TCERG1L: variants seen among roughly 807,000 people sequenced by gnomAD.
TCERG1L encodes the protein transcription elongation regulator 1-like protein.
TCERG1L carries 37 observed loss-of-function variants against 56.3 expected under a neutral mutation model. The observed-to-expected ratio is 0.66, with a 90% CI of 0.51 to 0.87. The LOEUF (loss-of-function observed/expected upper bound fraction) is 0.87, where lower values mean the gene tolerates loss of function less well. Among genes scored for constraint, TCERG1L ranks in the 40% least tolerant of loss-of-function variants. The probability of loss-of-function intolerance (pLI) is 0.00; values close to 1 mark genes in which losing one functional copy is unlikely to be tolerated. For synonymous variants in TCERG1L, 324 were observed against 326.3 expected (o/e 0.99, Z 0.08); for missense variants, 799 against 774.2 (o/e 1.03, Z -0.38).
At chr10:131,115,602 C>A (rs61862990) in intron 9 of TCERG1L, among the ~76,000 whole-genome samples, 7,519 of 152,296 alleles carry the variant, frequency 0.049, 287 homozygotes, top group Middle Eastern at 0.16. Flanking sequence ...GCTCACACCC[C>A]CACTTTTCCT....
At chr10:131,186,428 G>T (rs1156678910) in intron 4 of TCERG1L, among the ~76,000 whole-genome samples, 1 of 152,184 alleles carries the variant, frequency 6.6e-6, no homozygotes, top group African/African-American at 2.4e-5. Flanking sequence ...AATCCAGGAA[G>T]TTGAACACCC....
At chr10:131,130,519 CCT>C (rs1845606948) in intron 8 of TCERG1L, among the ~76,000 whole-genome samples, 1 of 152,218 alleles carries the variant, frequency 6.6e-6, no homozygotes, top group African/African-American at 2.4e-5. Context: ...GGCCCACGCC[CCT>C]GTGTCCCTCT....
At chr10:131,184,433 C>T (rs1180007635) in intron 4 of TCERG1L, among the ~76,000 whole-genome samples, 2 of 152,154 alleles carry the variant, frequency 1.3e-5, no homozygotes, top group African/African-American at 4.8e-5. Flanking sequence ...GTCAATCTGC[C>T]CTTCCCAGGC....
At chr10:131,184,001 C>G (rs12761825) in intron 4 of TCERG1L, among the ~76,000 whole-genome samples, 14,777 of 152,310 alleles carry the variant, frequency 0.097, 802 homozygotes, top group East Asian at 0.2. Flanking sequence ...GCAGGGCCAA[C>G]CTTGGGGGTT....
chr10:131,119,969 C>T (rs66915007), intron 8 of TCERG1L, among the ~76,000 whole-genome samples: 1 of 152,064 alleles, frequency 6.6e-6, no homozygotes, highest in South Asian at 2.1e-4. Flanking sequence ...TTTAACCAGG[C>T]TAGGTGCTCC....
chr10:131,259,843 G>T (rs1241991119), intron 4 of TCERG1L, among the ~76,000 whole-genome samples: 1 of 152,214 alleles, frequency 6.6e-6, no homozygotes, highest in African/African-American at 2.4e-5. Context: ...GGGGGGAGCA[G>T]CACACGGCTT....
intron 3 of TCERG1L, among the ~76,000 whole-genome samples, chr10:131,304,713 G>A (rs1322419245): frequency 2.0e-5 from 3 of 152,118 alleles, no homozygotes; most frequent in African/African-American, 7.3e-5. Flanking sequence ...CAGTGCAGGT[G>A]TAATTATTTG....
At chr10:131,258,150 A>G (rs1180074797) in intron 4 of TCERG1L, among the ~76,000 whole-genome samples, 2 of 151,600 alleles carry the variant, frequency 1.3e-5, no homozygotes, top group African/African-American at 4.8e-5. Flanking sequence ...ATCTATTTTA[A>G]GGGGTATCAG....
intron 6 of TCERG1L, among the ~76,000 whole-genome samples, chr10:131,155,601 C>A (rs927711704): frequency 2.0e-4 from 31 of 152,326 alleles, no homozygotes; most frequent in African/African-American, 6.7e-4. Flanking sequence ...TTCCTCAAAC[C>A]CAGGGACTCA....
intron 3 of TCERG1L, among the ~76,000 whole-genome samples, chr10:131,291,463 G>A (rs1230265058): frequency 1.0e-5 from 1 of 96,382 alleles, no homozygotes; most frequent in Non-Finnish European, 1.9e-5. Context: ...GTCTCGCTGT[G>A]TCTCCCAGGT....
rs973081661 is a variant in TCERG1L, at chr10:131,139,782, G to A, written c.1190-5334C>T. ...TGTTTCTGTATGTATATGTGTGTCT[G>A]TGTGTGCTTGTGTGTCTGTGTGCGT... On this transcript the variant is annotated intron_variant, in intron 7 of 11. Transcript: ENST00000368642. Among the ~76,000 whole-genome samples, 16 of 138,020 alleles carry A rather than the reference G, an allele frequency of 1.2e-4. No individual in the cohort carries two copies. The East Asian group carries it at 1.2e-3, about 10-fold the overall frequency. 90.5% of individuals were successfully genotyped at this position (138,020 alleles called of 152,430 possible). A position where few individuals can be genotyped will look rare whatever the true frequency, so the allele number is the denominator to read the frequency against.
intron 4 of TCERG1L, among the ~76,000 whole-genome samples, chr10:131,197,310 T>C (rs1845376507): frequency 6.6e-6 from 1 of 151,730 alleles, no homozygotes; most frequent in Non-Finnish European, 1.5e-5. Context: ...GCCTCCCGAG[T>C]AGCTGGGACT....
chr10:131,169,910 A>G (rs73394554), intron 4 of TCERG1L, among the ~76,000 whole-genome samples: 6,948 of 150,200 alleles, frequency 0.046, 277 homozygotes, highest in South Asian at 0.093. Context: ...ACATATTAAG[A>G]TATTTTTCAT....
chr10:131,293,116 G>T (rs926601357), intron 3 of TCERG1L, among the ~76,000 whole-genome samples: 1 of 152,124 alleles, frequency 6.6e-6, no homozygotes, highest in Admixed American at 6.5e-5. Context: ...CTCCCAAAGC[G>T]CTGGGATTAA....
At chr10:131,125,677 A>C (rs1845558191) in intron 8 of TCERG1L, among the ~76,000 whole-genome samples, 1 of 152,240 alleles carries the variant, frequency 6.6e-6, no homozygotes, top group African/African-American at 2.4e-5. Context: ...AGATGGGAGC[A>C]CAGGGGTGTC....
intron 9 of TCERG1L, among the ~76,000 whole-genome samples, chr10:131,108,114 T>A (rs1477033036): frequency 6.6e-6 from 1 of 152,170 alleles, no homozygotes; most frequent in Non-Finnish European, 1.5e-5. Flanking sequence ...GGGACTGTTC[T>A]CTAAGTGGCC....
intron 3 of TCERG1L, among the ~76,000 whole-genome samples, chr10:131,268,824 TA>T (rs1846310199): frequency 6.6e-6 from 1 of 152,344 alleles, no homozygotes; most frequent in Non-Finnish European, 1.5e-5. Flanking sequence ...TGAAGACAGT[TA>T]GGAGCTTGCT....
intron 10 of TCERG1L, among the ~76,000 whole-genome samples, chr10:131,099,846 T>C (rs1456399680): frequency 3.3e-5 from 5 of 152,186 alleles, no homozygotes; most frequent in Non-Finnish European, 7.3e-5. Flanking sequence ...AGTAAGAATA[T>C]GATTGGCTTC....
chr10:131,208,663 A>G (rs1845576785), intron 4 of TCERG1L, among the ~76,000 whole-genome samples: 1 of 152,226 alleles, frequency 6.6e-6, no homozygotes, highest in South Asian at 2.1e-4. Flanking sequence ...ACCTGAAAAC[A>G]CATAATCCAA....
Sources: gnomAD v4.1 joint callset for allele counts (sites outside exome capture counted in the v4.1 genomes callset) on GRCh38, gnomAD v4.1.1 for gene constraint, MANE v1.5 for transcripts, NCBI Gene and HGNC (gene_info 2026-07-23, HGNC 2026-07-21) for gene names.